ABCB4: variants seen among roughly 807,000 people sequenced by gnomAD.
ABCB4 encodes the protein phosphatidylcholine translocator ABCB4.
ABCB4 carries 76 observed loss-of-function variants against 145.7 expected under a neutral mutation model. That is an observed-to-expected ratio of 0.52 (90% confidence interval 0.43 to 0.63). ABCB4 has a LOEUF of 0.63. Ranked by LOEUF, ABCB4 falls within the 30% of genes least tolerant of loss-of-function variation. ABCB4 has a pLI of 0.00. For missense variants in ABCB4, 1,234 were observed against 1,553.1 expected (o/e 0.79, Z 3.45); for synonymous variants, 517 against 566.8 (o/e 0.91, Z 1.25).
At chr7:87,456,108 T>G (rs1017083041) in intron 4 of ABCB4, among the ~76,000 whole-genome samples, 1 of 152,202 alleles carries the variant, frequency 6.6e-6, no homozygotes, top group Admixed American at 6.5e-5. Flanking sequence ...ATAGGGCAAA[T>G]TGGAAGAGTA....
At chr7:87,375,286 TA>T in the ABCB4 span, 8 of 190,588 alleles carry the variant, frequency 4.2e-5, no homozygotes, top group African/African-American at 1.7e-4. Flanking sequence ...ATTACCAGGA[TA>T]TTTTTCAAGT....
chr7:87,418,513 A>G (rs1271762820), intron 20 of ABCB4, 24 bp downstream of exon 20: 14 of 1,607,680 alleles, frequency 8.7e-6, no homozygotes, highest in South Asian at 1.1e-5. Context: ...GTAAAAAACT[A>G]CAAGTAGAGT....
intron 21 of ABCB4, among the ~76,000 whole-genome samples, chr7:87,415,627 A>G (rs1269898191): frequency 1.3e-5 from 2 of 152,192 alleles, no homozygotes; most frequent in Admixed American, 6.5e-5. Flanking sequence ...TTGGGGCAGT[A>G]TCTGGTACAA....
intron 14 of ABCB4, among the ~76,000 whole-genome samples, chr7:87,438,080 A>T (rs1810728512): frequency 6.6e-6 from 1 of 152,198 alleles, no homozygotes. Context: ...AGCAAGAACT[A>T]TATTGTATAT....
intron 5 of ABCB4, among the ~76,000 whole-genome samples, chr7:87,454,023 A>T (rs45479991): frequency 0.27 from 40,570 of 152,080 alleles, 6,558 homozygotes; most frequent in African/African-American, 0.46. Flanking sequence ...TTAGTATTTT[A>T]AAAAATAATA....
chr7:87,452,544 G>A (rs1473153), intron 6 of ABCB4: 3,534 of 288,668 alleles, frequency 0.012, 122 homozygotes, highest in African/African-American at 0.073. Context: ...ATGGTACTTC[G>A]CACATGAAAC....
At chr7:87,421,435 T>C (rs1809422423) in intron 18 of ABCB4, among the ~76,000 whole-genome samples, 2 of 152,234 alleles carry the variant, frequency 1.3e-5, no homozygotes, top group Admixed American at 1.3e-4. Context: ...GGACTGGGGC[T>C]GGATCAAATC....
At chr7:87,391,623 C>T in the ABCB4 span, 2 of 1,606,374 alleles carry the variant, frequency 1.2e-6, no homozygotes, top group East Asian at 2.2e-5. Context: ...TATGACAAGA[C>T]ATTTTTATCA....
chr7:87,392,575 C>T, the ABCB4 span: 17 of 1,612,526 alleles, frequency 1.1e-5, no homozygotes, highest in East Asian at 6.7e-5. Context: ...GCTTCGTGAG[C>T]GGCAGCAAAA....
At chr7:87,449,865 G>T in intron 8 of ABCB4, 103 bp downstream of exon 8, 1 of 1,568,468 alleles carries the variant, frequency 6.4e-7, no homozygotes, top group South Asian at 1.1e-5. Flanking sequence ...TGCGAGAAGG[G>T]TTAATATTAG....
chr7:87,449,900 C>T (rs1811594309), intron 8 of ABCB4, 68 bp downstream of exon 8: 2 of 1,612,582 alleles, frequency 1.2e-6, no homozygotes, highest in South Asian at 2.2e-5. Flanking sequence ...AAAACACATA[C>T]CACAAAGAAG....
intron 3 of ABCB4, among the ~76,000 whole-genome samples, chr7:87,467,913 A>C (rs534733193): frequency 6.6e-6 from 1 of 152,314 alleles, no homozygotes; most frequent in South Asian, 2.1e-4. Flanking sequence ...GAGGGAAATT[A>C]ATAGCACTAA....
At chr7:87,404,347 C>T (rs1408533806) in intron 26 of ABCB4, among the ~76,000 whole-genome samples, 1 of 152,182 alleles carries the variant, frequency 6.6e-6, no homozygotes, top group South Asian at 2.1e-4. Flanking sequence ...TCCAGGGCTA[C>T]ACATGTTTAA....
chr7:87,439,187 T>C (rs1472747994), intron 14 of ABCB4, among the ~76,000 whole-genome samples: 1 of 152,112 alleles, frequency 6.6e-6, no homozygotes, highest in African/African-American at 2.4e-5. Flanking sequence ...TTAAAATGAA[T>C]TGTTTATTTA....
At chr7:87,448,834 C>G (rs1235698253) in intron 8 of ABCB4, 1 of 152,098 alleles carries the variant, frequency 6.6e-6, no homozygotes, top group Non-Finnish European at 1.5e-5. Flanking sequence ...ATAAGGGAAA[C>G]TTTGTTTTTA....
the ABCB4 span, among the ~76,000 whole-genome samples, chr7:87,378,282 G>T: frequency 6.7e-6 from 1 of 150,198 alleles, no homozygotes; most frequent in African/African-American, 2.5e-5. Flanking sequence ...GGAGGTTGAG[G>T]GTGCAGTGAA....
chr7:87,426,722 G>T (rs1809838646), intron 16 of ABCB4, 28 bp downstream of exon 16: 3 of 1,603,838 alleles, frequency 1.9e-6, no homozygotes, highest in Non-Finnish European at 2.6e-6. Context: ...CAAAGTAAAA[G>T]ACTTAATTTA....
the ABCB4 span, among the ~76,000 whole-genome samples, chr7:87,392,056 T>C: frequency 5.3e-5 from 8 of 152,194 alleles, no homozygotes; most frequent in African/African-American, 1.9e-4. Context: ...TGGTTGAATG[T>C]TTTTGAAATG....
At chr7:87,421,981 G>T in intron 18 of ABCB4, 140 bp downstream of exon 18, 1 of 674,872 alleles carries the variant, frequency 1.5e-6, no homozygotes, top group Non-Finnish European at 2.6e-6. Context: ...CTGATAAGGA[G>T]TCTACCCTCC....
Sources: allele counts gnomAD v4.1 joint callset (sites outside exome capture counted in the v4.1 genomes callset), GRCh38; gene constraint gnomAD v4.1.1; transcripts MANE v1.5; gene names NCBI Gene and HGNC (gene_info 2026-07-23, HGNC 2026-07-21).